RHOBTB1: variants seen among roughly 807,000 people sequenced by gnomAD.
The protein encoded by RHOBTB1 is rho-related BTB domain-containing protein 1.
A neutral mutation model predicts 71.6 loss-of-function variants in RHOBTB1; 40 were observed. The observed-to-expected ratio is 0.56, with a 90% CI of 0.43 to 0.73. RHOBTB1 has a LOEUF of 0.73. Among genes scored for constraint, RHOBTB1 ranks in the 30% least tolerant of loss-of-function variants. The pLI is 0.00. For synonymous variants in RHOBTB1, 319 were observed against 334.9 expected (o/e 0.95, Z 0.52); for missense variants, 797 against 894.0 (o/e 0.89, Z 1.38).
rs114351929 is a variant in RHOBTB1 at position 60,977,963 on chromosome 10, G to A, written c.-62+7882C>T. ...AACTGATATGCACAGGAAAGAAATA[G>A]ATCACTTATTAAAGGTTGCCTCATC... On this transcript the variant is annotated intron_variant, in intron 2 of 11. Transcript: ENST00000357917. Among the ~76,000 whole-genome samples, 907 of 152,154 alleles carry A rather than the reference G, an allele frequency of 6.0e-3. 5 individuals carry two copies. The highest frequency in any genetic ancestry group is 0.021 in the African/African-American group (881 of 41,528).
chr10:60,977,967 A>G lies in RHOBTB1; in HGVS notation c.-62+7878T>C, dbSNP rs189187299. Reference sequence around the variant, plus strand: ...GATATGCACAGGAAAGAAATAGATCACTTATTAAAGGTTGCCTCATCTATA... The same window carrying G: ...GATATGCACAGGAAAGAAATAGATCGCTTATTAAAGGTTGCCTCATCTATA... On this transcript the variant is annotated intron_variant, in intron 2 of 11. Coordinates refer to the RHOBTB1 transcript ENST00000357917. Among the ~76,000 whole-genome samples, 280 of 152,296 alleles carry G rather than the reference A, an allele frequency of 1.8e-3. 2 individuals carry two copies. Among genetic ancestry groups the G allele is most frequent in the African/African-American group, 6.5e-3 (272 of 41,570 alleles).
chr10:60,975,435 T>C (rs986437986), intron 2 of RHOBTB1, among the ~76,000 whole-genome samples: 1 of 152,096 alleles, frequency 6.6e-6, no homozygotes. Context: ...CACTATCAAA[T>C]AAAAACAATT....
chr10:60,983,647 T>G (rs1390884304), intron 2 of RHOBTB1, among the ~76,000 whole-genome samples: 4 of 152,228 alleles, frequency 2.6e-5, no homozygotes, highest in Non-Finnish European at 5.9e-5. Flanking sequence ...GGAATACACC[T>G]AGATGCACTC....
At chr10:60,991,315 G>A (rs1420942982) in intron 1 of RHOBTB1, among the ~76,000 whole-genome samples, 1 of 152,078 alleles carries the variant, frequency 6.6e-6, no homozygotes, top group African/African-American at 2.4e-5. Flanking sequence ...CTAGGATAAA[G>A]GCATATTTCT....
intron 2 of RHOBTB1, among the ~76,000 whole-genome samples, chr10:60,929,969 A>G (rs999251811): frequency 6.6e-6 from 1 of 152,202 alleles, no homozygotes; most frequent in Non-Finnish European, 1.5e-5. Flanking sequence ...ATAAGGCCCC[A>G]AATCCCCCAA....
At chr10:60,886,319 A>T (rs1227965582) in intron 6 of RHOBTB1, 89 bp from the exon 7 acceptor site, 2 of 805,462 alleles carry the variant, frequency 2.5e-6, no homozygotes, top group South Asian at 1.6e-5. Flanking sequence ...CCAAACTGCG[A>T]CTCCCTTACT....
At chr10:60,960,486 A>T (rs1258218347) in intron 2 of RHOBTB1, among the ~76,000 whole-genome samples, 3 of 152,220 alleles carry the variant, frequency 2.0e-5, no homozygotes, top group African/African-American at 7.2e-5. Context: ...TTGTAACATA[A>T]TATATTGTAC....
intron 4 of RHOBTB1, among the ~76,000 whole-genome samples, chr10:60,903,654 A>C (rs925530246): frequency 6.6e-6 from 1 of 152,136 alleles, no homozygotes; most frequent in Non-Finnish European, 1.5e-5. Flanking sequence ...CCACAGGCTG[A>C]GAAACAGGCC....
chr10:60,925,623 CA>C (rs2083829181), intron 2 of RHOBTB1, among the ~76,000 whole-genome samples: 1 of 151,740 alleles, frequency 6.6e-6, no homozygotes, highest in Non-Finnish European at 1.5e-5. Context: ...AAAAAATCAA[CA>C]AAATGAATTT....
chr10:60,885,347 G>T (rs1461672507), intron 7 of RHOBTB1, among the ~76,000 whole-genome samples: 2 of 152,168 alleles, frequency 1.3e-5, no homozygotes, highest in East Asian at 1.9e-4. Context: ...CAAAGACACA[G>T]GGTATCCAAG....
intron 2 of RHOBTB1, among the ~76,000 whole-genome samples, chr10:60,949,474 C>T (rs1426622087): frequency 6.6e-6 from 1 of 152,184 alleles, no homozygotes; most frequent in Non-Finnish European, 1.5e-5. Flanking sequence ...TCAGGTATTA[C>T]TCAGACCAAC....
At chr10:60,887,840 T>TGCAAC (rs1488310931) in intron 6 of RHOBTB1, among the ~76,000 whole-genome samples, 1 of 152,098 alleles carries the variant, frequency 6.6e-6, no homozygotes, top group Non-Finnish European at 1.5e-5. Context: ...CCACTGGAGA[T>TGCAAC]AGGCTTGGGG....
intron 2 of RHOBTB1, among the ~76,000 whole-genome samples, chr10:60,917,067 T>G (rs1319361433): frequency 3.3e-5 from 5 of 152,196 alleles, no homozygotes; most frequent in Non-Finnish European, 7.3e-5. Flanking sequence ...TCAAGCTCAG[T>G]GAGACCCATG....
intron 7 of RHOBTB1, among the ~76,000 whole-genome samples, chr10:60,881,641 A>G (rs539624749): frequency 6.6e-6 from 1 of 152,332 alleles, no homozygotes; most frequent in Admixed American, 6.5e-5. Flanking sequence ...GGAATTTGGA[A>G]TAGATGCTAT....
intron 4 of RHOBTB1, among the ~76,000 whole-genome samples, chr10:60,899,563 C>G (rs144160978): frequency 3.4e-3 from 518 of 152,300 alleles, no homozygotes; most frequent in Non-Finnish European, 5.9e-3. Context: ...AAGGACTCTA[C>G]CCAGCCTCCT....
chr10:60,983,616 C>T (rs1251590067), intron 2 of RHOBTB1, among the ~76,000 whole-genome samples: 2 of 152,084 alleles, frequency 1.3e-5, no homozygotes, highest in African/African-American at 2.4e-5. Context: ...TCAGATTTTG[C>T]ATTTTACATC....
the RHOBTB1 span, among the ~76,000 whole-genome samples, chr10:60,864,079 C>T: frequency 6.6e-6 from 1 of 152,278 alleles, no homozygotes; most frequent in South Asian, 2.1e-4. Flanking sequence ...GTCTTTACTC[C>T]AGATCACCCC....
intron 2 of RHOBTB1, among the ~76,000 whole-genome samples, chr10:60,918,378 C>T (rs529996076): frequency 1.4e-4 from 21 of 152,292 alleles, no homozygotes; most frequent in Non-Finnish European, 2.4e-4. Context: ...TGTTCTGTCC[C>T]TCTCTTATGA....
intron 2 of RHOBTB1, among the ~76,000 whole-genome samples, chr10:60,976,617 T>A (rs1296279830): frequency 6.6e-6 from 1 of 152,000 alleles, no homozygotes; most frequent in East Asian, 1.9e-4. Context: ...CTATGCCCAA[T>A]TAAGTAGACA....
Sources: allele counts gnomAD v4.1 joint callset (sites outside exome capture counted in the v4.1 genomes callset), GRCh38; gene constraint gnomAD v4.1.1; transcripts MANE v1.5; gene names NCBI Gene and HGNC (gene_info 2026-07-23, HGNC 2026-07-21).